ENTREP2: variants seen among roughly 807,000 people sequenced by gnomAD.
The protein encoded by ENTREP2 is endosomal transmembrane epsin interactor 2.
the ENTREP2 span, among the ~76,000 whole-genome samples, chr15:29,178,121 G>A: frequency 6.6e-6 from 1 of 151,726 alleles, no homozygotes; most frequent in East Asian, 1.9e-4. Context: ...AGTCATGCCT[G>A]TTTCTACAAA....
chr15:29,599,189 A>T, the ENTREP2 span, among the ~76,000 whole-genome samples: 1 of 152,250 alleles, frequency 6.6e-6, no homozygotes, highest in African/African-American at 2.4e-5. Flanking sequence ...ATCACAGGAC[A>T]TGTCAGGGAA....
At chr15:29,508,960 T>A in the ENTREP2 span, among the ~76,000 whole-genome samples, 1 of 152,164 alleles carries the variant, frequency 6.6e-6, no homozygotes, top group African/African-American at 2.4e-5. Context: ...GAAGTCAAAT[T>A]ATCTCTCTTT....
the ENTREP2 span, among the ~76,000 whole-genome samples, chr15:29,434,918 G>C: frequency 6.6e-6 from 1 of 152,150 alleles, no homozygotes; most frequent in African/African-American, 2.4e-5. Flanking sequence ...CAGACTCCAA[G>C]ACTCGAGTTT....
chr15:29,117,946 A>T, the ENTREP2 span: 1 of 152,170 alleles, frequency 6.6e-6, no homozygotes, highest in African/African-American at 2.4e-5. Flanking sequence ...ATCCACGCAC[A>T]TGCGACCCCG....
chr15:29,195,475 T>C, the ENTREP2 span: 1 of 192,458 alleles, frequency 5.2e-6, no homozygotes, highest in Non-Finnish European at 9.6e-6. Context: ...AACACAATTT[T>C]ACCACCAACT....
the ENTREP2 span, chr15:29,252,333 G>T: frequency 7.6e-7 from 1 of 1,312,496 alleles, no homozygotes; most frequent in Non-Finnish European, 1.1e-6. Flanking sequence ...CAAATCCTAT[G>T]ACCTTTATGA....
the ENTREP2 span, among the ~76,000 whole-genome samples, chr15:29,251,667 C>T: frequency 6.6e-6 from 1 of 151,646 alleles, no homozygotes; most frequent in East Asian, 1.9e-4. Context: ...GTACACAGCA[C>T]ACTGTCTACA....
the ENTREP2 span, among the ~76,000 whole-genome samples, chr15:29,169,344 C>T: frequency 6.6e-6 from 1 of 152,094 alleles, no homozygotes; most frequent in Non-Finnish European, 1.5e-5. Flanking sequence ...TTGCACACAT[C>T]AAAATGTACC....
chr15:29,224,326 G>A, the ENTREP2 span, among the ~76,000 whole-genome samples: 1 of 152,258 alleles, frequency 6.6e-6, no homozygotes, highest in African/African-American at 2.4e-5. Context: ...GACCCAAAGA[G>A]TGAGCAGCAG....
At chr15:29,221,577 C>G in the ENTREP2 span, among the ~76,000 whole-genome samples, 1 of 152,098 alleles carries the variant, frequency 6.6e-6, no homozygotes, top group Non-Finnish European at 1.5e-5. Context: ...AAGACTGGCA[C>G]TCCTGAGGCA....
the ENTREP2 span, among the ~76,000 whole-genome samples, chr15:29,478,210 G>A: frequency 6.6e-6 from 1 of 150,996 alleles, no homozygotes; most frequent in African/African-American, 2.4e-5. Flanking sequence ...GTATTTTTTA[G>A]TAGAAACAGA....
chr15:29,468,214 T>C, the ENTREP2 span, among the ~76,000 whole-genome samples: 1 of 152,146 alleles, frequency 6.6e-6, no homozygotes, highest in East Asian at 1.9e-4. Flanking sequence ...CTGAACATAA[T>C]TAAGAAATTC....
chr15:29,309,048 G>T, the ENTREP2 span, among the ~76,000 whole-genome samples: 27 of 152,022 alleles, frequency 1.8e-4, no homozygotes, highest in African/African-American at 6.0e-4. Flanking sequence ...CCTTATGAGG[G>T]CTCCTGAGTC....
chr15:29,568,675 G>C, the ENTREP2 span, among the ~76,000 whole-genome samples: 4 of 144,542 alleles, frequency 2.8e-5, no homozygotes, highest in Non-Finnish European at 5.9e-5. Flanking sequence ...CTGCACTCCA[G>C]CCTGGGCAAA....
the ENTREP2 span, among the ~76,000 whole-genome samples, chr15:29,480,663 G>C: frequency 6.6e-6 from 1 of 152,170 alleles, no homozygotes; most frequent in African/African-American, 2.4e-5. Context: ...CTAGGAGGGG[G>C]AGCGGGGGCA....
chr15:29,127,794 G>A, the ENTREP2 span, among the ~76,000 whole-genome samples: 1 of 152,174 alleles, frequency 6.6e-6, no homozygotes, highest in Non-Finnish European at 1.5e-5. Context: ...AAGGGGCTCA[G>A]GTAGCACCAG....
At chr15:29,325,587 A>T in the ENTREP2 span, among the ~76,000 whole-genome samples, 1 of 152,180 alleles carries the variant, frequency 6.6e-6, no homozygotes, top group Admixed American at 6.5e-5. Flanking sequence ...AAAGCTACTA[A>T]AGAAACTGAA....
chr15:29,482,476 T>C, the ENTREP2 span, among the ~76,000 whole-genome samples: 76,890 of 151,920 alleles, frequency 0.51, 20,556 homozygotes, highest in African/African-American at 0.7. Flanking sequence ...GTTTCACTGC[T>C]CTCTGTGCCC....
chr15:29,346,456 G>A, the ENTREP2 span, among the ~76,000 whole-genome samples: 12 of 150,744 alleles, frequency 8.0e-5, no homozygotes, highest in Non-Finnish European at 1.8e-4. Context: ...CCCCAAGACA[G>A]TAGAAGAGAA....
Sources: gnomAD v4.1 joint callset for allele counts (sites outside exome capture counted in the v4.1 genomes callset) on GRCh38, gnomAD v4.1.1 for gene constraint, MANE v1.5 for transcripts, NCBI Gene and HGNC (gene_info 2026-07-23, HGNC 2026-07-21) for gene names.